Variants in IL23R observed in about 807,000 individuals in gnomAD.
IL23R encodes interleukin 23 receptor.
Under a neutral mutation model 56.9 loss-of-function variants are expected in IL23R, and 34 were observed. That is an observed-to-expected ratio of 0.60 (90% CI 0.45 to 0.80). The LOEUF is 0.80. Among genes scored for constraint, IL23R ranks in the 30% least tolerant of loss-of-function variants. The pLI is 0.00. For synonymous variants in IL23R, 230 were observed against 249.2 expected (o/e 0.92, Z 0.73); for missense variants, 635 against 730.0 (o/e 0.87, Z 1.50).
chr1:67,223,253 C>CTAAATAAATAAA (rs59383640), intron 7 of IL23R, among the ~76,000 whole-genome samples: 1 of 151,156 alleles, frequency 6.6e-6, no homozygotes, highest in Non-Finnish European at 1.5e-5. Context: ...GACTCTGTCT[C>CTAAATAAATAAA]TAAATAAATA....
At chr1:67,237,750 A>G (rs1651580047) in intron 8 of IL23R, among the ~76,000 whole-genome samples, 2 of 152,208 alleles carry the variant, frequency 1.3e-5, no homozygotes, top group South Asian at 4.1e-4. Flanking sequence ...TCGAGTTGAA[A>G]ACTTTTAGGC....
At chr1:67,152,917 G>T (rs1646741336) in intron 1 of IL23R, among the ~76,000 whole-genome samples, 2 of 152,066 alleles carry the variant, frequency 1.3e-5, no homozygotes, top group Admixed American at 1.3e-4. Context: ...TTCTTTTTTT[G>T]TTGTGTCTCT....
chr1:67,216,927 C>T (rs907679010), intron 6 of IL23R, among the ~76,000 whole-genome samples: 1 of 152,106 alleles, frequency 6.6e-6, no homozygotes, highest in Non-Finnish European at 1.5e-5. Flanking sequence ...CTACCAAACA[C>T]TAGATAAAAA....
Position 67,176,712 on chromosome 1 carries a change from G to A in IL23R, c.368-6124G>A, listed in dbSNP as rs191542710. ...AGGCTTGTTTCATACATATACATGT[G>A]CCATGTTGGTGTGCTGCACCCATTA... On this transcript the variant is annotated intron_variant, in intron 3 of 10. Transcript: ENST00000347310. Among the ~76,000 whole-genome samples, 614 of 152,118 alleles carry A rather than the reference G, an allele frequency of 4.0e-3. 8 individuals are homozygous for A. The highest frequency in any genetic ancestry group is 0.014 in the African/African-American group (587 of 41,494).
intron 9 of IL23R, among the ~76,000 whole-genome samples, chr1:67,247,493 G>A (rs1255269951): frequency 6.6e-6 from 1 of 151,924 alleles, no homozygotes; most frequent in Non-Finnish European, 1.5e-5. Context: ...TAGTAGAGAT[G>A]GAGTTTCTCC....
chr1:67,147,259 C>T (rs991439373), intron 1 of IL23R, among the ~76,000 whole-genome samples: 2 of 152,182 alleles, frequency 1.3e-5, no homozygotes, highest in Admixed American at 6.5e-5. Context: ...CTGCTCCCCA[C>T]AGAAATTCTG....
At chr1:67,249,529 A>G (rs1268586167) in intron 9 of IL23R, among the ~76,000 whole-genome samples, 1 of 152,196 alleles carries the variant, frequency 6.6e-6, no homozygotes, top group African/African-American at 2.4e-5. Context: ...AACCTTAATT[A>G]TGATTGAAAG....
At chr1:67,226,248 G>A (rs1258296162) in intron 7 of IL23R, among the ~76,000 whole-genome samples, 8 of 152,224 alleles carry the variant, frequency 5.3e-5, no homozygotes, top group Non-Finnish European at 1.2e-4. Context: ...TCTGCAGACA[G>A]CTTAACTGTT....
chr1:67,168,170 T>C lies in IL23R; in HGVS notation c.50T>C (p.Leu17Pro), dbSNP rs1241516896. 1 of 1,610,334 alleles carries C rather than the reference T, an allele frequency of 6.2e-7. No homozygotes were observed. Among genetic ancestry groups the C allele is most frequent in the Non-Finnish European group, 8.5e-7 (1 of 1,176,620 alleles). Residue 17 changes from leucine to proline, a missense_variant, in exon 2 of 11, where the codon CTC (leucine) becomes CCC (proline). Coordinates refer to ENST00000347310, the MANE Select transcript of IL23R (RefSeq NM_144701.3). ...GATGCAGTAATAGCCCTTTACATAC[T>C]CTTCAGCTGGTGTCATGGAGGTATG... Reference protein sequence around the residue: ...QWDAVIALYILFSWCHGGITN... With the variant: ...QWDAVIALYIPFSWCHGGITN...
At chr1:67,264,047 G>A (rs868647952), downstream of IL23R, among the ~76,000 whole-genome samples, 1 of 152,174 alleles carries the variant, frequency 6.6e-6, no homozygotes, top group South Asian at 2.1e-4. Flanking sequence ...TCTATACTTA[G>A]GAGACTGGGA....
chr1:67,199,660 T>G (rs146745743), intron 4 of IL23R, among the ~76,000 whole-genome samples: 1 of 152,194 alleles, frequency 6.6e-6, no homozygotes, highest in African/African-American at 2.4e-5. Context: ...TCTATGTATA[T>G]GTGTGTATAT....
downstream of IL23R, among the ~76,000 whole-genome samples, chr1:67,262,769 G>T (rs1256807930): frequency 6.6e-6 from 1 of 152,072 alleles, no homozygotes; most frequent in Non-Finnish European, 1.5e-5. Flanking sequence ...TCCTAAAGGG[G>T]CATGTCCTGC....
At chr1:67,144,017 A>G (rs1296486840) in intron 1 of IL23R, among the ~76,000 whole-genome samples, 1 of 152,254 alleles carries the variant, frequency 6.6e-6, no homozygotes, top group East Asian at 1.9e-4. Flanking sequence ...AAACTAAAAA[A>G]CAAATAAATA....
chr1:67,178,734 A>C (rs946965492), intron 3 of IL23R, among the ~76,000 whole-genome samples: 4 of 152,220 alleles, frequency 2.6e-5, no homozygotes, highest in Non-Finnish European at 5.9e-5. Flanking sequence ...TTGCCCATTC[A>C]GATGATATTG....
At chr1:67,168,939 C>A (rs1466120044) in intron 2 of IL23R, among the ~76,000 whole-genome samples, 1 of 151,982 alleles carries the variant, frequency 6.6e-6, no homozygotes, top group African/African-American at 2.4e-5. Context: ...GCGGGTGGAT[C>A]ACCTGAGGTC....
intron 3 of IL23R, among the ~76,000 whole-genome samples, chr1:67,170,566 T>A (rs900567636): frequency 2.6e-5 from 4 of 152,234 alleles, no homozygotes; most frequent in African/African-American, 9.6e-5. Flanking sequence ...CTGGCTCGTA[T>A]AATTATATAC....
chr1:67,228,918 A>G (rs1450403755), intron 7 of IL23R, among the ~76,000 whole-genome samples: 2 of 152,164 alleles, frequency 1.3e-5, no homozygotes, highest in Non-Finnish European at 2.9e-5. Flanking sequence ...TTTGCCTTAT[A>G]AGGTAACTGA....
At chr1:67,228,238 G>A (rs1001609122) in intron 7 of IL23R, among the ~76,000 whole-genome samples, 8 of 145,902 alleles carry the variant, frequency 5.5e-5, no homozygotes, top group African/African-American at 2.0e-4. Context: ...CTGTCACCCA[G>A]GCTGGAGTGC....
chr1:67,159,800 C>T (rs1424597368), intron 1 of IL23R, among the ~76,000 whole-genome samples: 1 of 152,096 alleles, frequency 6.6e-6, no homozygotes, highest in Non-Finnish European at 1.5e-5. Context: ...AACAGCATAT[C>T]ACAAATGTGA....
Sources: allele counts gnomAD v4.1 joint callset (sites outside exome capture counted in the v4.1 genomes callset), GRCh38; gene constraint gnomAD v4.1.1; transcripts MANE v1.5; gene names NCBI Gene and HGNC (gene_info 2026-07-23, HGNC 2026-07-21).